The following VWA8 variants were observed in gnomAD, a reference collection of about 807,000 sequenced individuals.
The protein encoded by VWA8 is von Willebrand factor A domain-containing protein 8.
In VWA8, 221 loss-of-function variants were observed where a neutral mutation model predicts 241.5. The ratio of observed to expected loss-of-function variants is 0.91; its 90% CI spans 0.82 to 1.02. The LOEUF (loss-of-function observed/expected upper bound fraction) is 1.02, where lower values mean the gene tolerates loss of function less well. Ranked by LOEUF, VWA8 falls within the 50% of genes least tolerant of loss-of-function variation. The pLI, the probability that VWA8 is intolerant of heterozygous loss-of-function variation, is 0.00. For missense variants in VWA8, 2,322 were observed against 2,328.7 expected (o/e 1.00, Z 0.06); for synonymous variants, 852 against 827.1 (o/e 1.03, Z -0.52).
At chr13:41,897,847 G>C (rs1875194796) in intron 4 of VWA8, among the ~76,000 whole-genome samples, 1 of 152,170 alleles carries the variant, frequency 6.6e-6, no homozygotes, top group Non-Finnish European at 1.5e-5. Flanking sequence ...GACCCGAGCG[G>C]GTTGCCACTG....
chr13:41,620,384 C>T (rs1044235617), intron 37 of VWA8, among the ~76,000 whole-genome samples: 13 of 152,076 alleles, frequency 8.5e-5, no homozygotes, highest in Middle Eastern at 3.4e-3. Context: ...GTCTTGCCAG[C>T]GGTCTATCTA....
intron 26 of VWA8, among the ~76,000 whole-genome samples, chr13:41,712,171 T>C (rs542370628): frequency 6.6e-6 from 1 of 152,266 alleles, no homozygotes; most frequent in East Asian, 1.9e-4. Context: ...AGATATGTTC[T>C]AATGATTGAT....
At chr13:41,910,034 G>A (rs958640592) in intron 3 of VWA8, among the ~76,000 whole-genome samples, 3 of 152,152 alleles carry the variant, frequency 2.0e-5, no homozygotes, top group Non-Finnish European at 4.4e-5. Context: ...CTAGTATTAA[G>A]TTTTCTTATG....
chr13:41,853,607 A>C (rs1428328406), intron 12 of VWA8, among the ~76,000 whole-genome samples: 1 of 152,028 alleles, frequency 6.6e-6, no homozygotes, highest in Non-Finnish European at 1.5e-5. Context: ...CAGTCTTGGT[A>C]GGTTACATAT....
chr13:41,628,763 C>T (rs1237296555), intron 37 of VWA8, among the ~76,000 whole-genome samples: 1 of 152,168 alleles, frequency 6.6e-6, no homozygotes. Context: ...GGACAACAGG[C>T]CGGGCACAGT....
intron 14 of VWA8, among the ~76,000 whole-genome samples, chr13:41,823,417 G>A (rs1871046572): frequency 6.6e-6 from 1 of 152,134 alleles, no homozygotes; most frequent in Admixed American, 6.6e-5. Context: ...AATCTTTATT[G>A]TTTCCCCAAG....
At chr13:41,927,525 A>G (rs183755157) in intron 2 of VWA8, among the ~76,000 whole-genome samples, 152 of 151,436 alleles carry the variant, frequency 1.0e-3, no homozygotes, top group Admixed American at 2.9e-3. Context: ...TACCAAATAA[A>G]CCATTTGTCT....
At chr13:41,793,656 A>G (rs1049005573) in intron 17 of VWA8, among the ~76,000 whole-genome samples, 8 of 152,122 alleles carry the variant, frequency 5.3e-5, no homozygotes, top group African/African-American at 9.7e-5. Flanking sequence ...TACCGAAAAT[A>G]CAAAAAACAA....
At chr13:41,693,856 G>C (rs1227667159) in intron 29 of VWA8, among the ~76,000 whole-genome samples, 1 of 151,910 alleles carries the variant, frequency 6.6e-6, no homozygotes, top group African/African-American at 2.4e-5. Flanking sequence ...TTGCAGAAAG[G>C]TACCTGCAAG....
chr13:41,811,732 C>T (rs1870483044), intron 16 of VWA8, among the ~76,000 whole-genome samples: 1 of 152,084 alleles, frequency 6.6e-6, no homozygotes, highest in Non-Finnish European at 1.5e-5. Context: ...AAGCTTTAAG[C>T]AAATCGGTGG....
chr13:41,616,756 T>C (rs1403620995), intron 37 of VWA8, among the ~76,000 whole-genome samples: 1 of 152,216 alleles, frequency 6.6e-6, no homozygotes, highest in African/African-American at 2.4e-5. Context: ...ACCTGAATTT[T>C]AAATTTTATT....
intron 35 of VWA8, among the ~76,000 whole-genome samples, chr13:41,683,055 A>G (rs1443915257): frequency 6.6e-6 from 1 of 152,170 alleles, no homozygotes; most frequent in Non-Finnish European, 1.5e-5. Context: ...TGGCAGTTTC[A>G]TCATATGATG....
In VWA8 at chr13:41,605,267, C is replaced by T. The variant is rs1437990932; in HGVS notation, c.4887G>A (p.Glu1629=). Residue 1629 remains glutamate (E), a synonymous_variant, in exon 40 of 45, where the codon GAG becomes GAA. Transcript: ENST00000379310. ...CAGCATCGTATTCACTCATTTGGAT[C>T]TCCTTTAGCCTGAAATCAGAAGAGT... ...GQRAFQQRLK[E]IQMSEYDAAT... 2 of 1,612,772 alleles carry T rather than the reference C, an allele frequency of 1.2e-6. No homozygotes were observed. Among genetic ancestry groups the T allele is most frequent in the South Asian group, 2.2e-5 (2 of 91,038 alleles).
intron 20 of VWA8, among the ~76,000 whole-genome samples, chr13:41,776,811 T>C (rs1348312401): frequency 6.6e-6 from 1 of 152,186 alleles, no homozygotes; most frequent in Non-Finnish European, 1.5e-5. Flanking sequence ...AGCCTCTAGT[T>C]ATCTAATTTC....
At chr13:41,799,066 C>T (rs1024908663) in intron 17 of VWA8, among the ~76,000 whole-genome samples, 7 of 152,154 alleles carry the variant, frequency 4.6e-5, no homozygotes, top group African/African-American at 1.4e-4. Context: ...TTTAATTCCT[C>T]GTAAGTTTTA....
chr13:41,767,297 C>T (rs991060550), intron 20 of VWA8, among the ~76,000 whole-genome samples: 1 of 152,114 alleles, frequency 6.6e-6, no homozygotes, highest in Non-Finnish European at 1.5e-5. Flanking sequence ...AAAAAAATCC[C>T]ATCTAATGCT....
At chr13:41,572,247 C>T (rs2044312325) in intron 43 of VWA8, among the ~76,000 whole-genome samples, 1 of 152,012 alleles carries the variant, frequency 6.6e-6, no homozygotes, top group Admixed American at 6.5e-5. Context: ...CCCGGCTGCC[C>T]CGTCTGGGAA....
At chr13:41,805,886 T>G (rs1039612348) in intron 17 of VWA8, among the ~76,000 whole-genome samples, 1 of 151,910 alleles carries the variant, frequency 6.6e-6, no homozygotes, top group Non-Finnish European at 1.5e-5. Context: ...CCTGCCGGTA[T>G]TTACAGAACA....
At chr13:41,948,265 G>A (rs1235795879) in intron 2 of VWA8, among the ~76,000 whole-genome samples, 1 of 152,066 alleles carries the variant, frequency 6.6e-6, no homozygotes, top group Non-Finnish European at 1.5e-5. Context: ...AAGATACAAT[G>A]GCTACATATC....
Sources: allele counts gnomAD v4.1 joint callset (sites outside exome capture counted in the v4.1 genomes callset), GRCh38; gene constraint gnomAD v4.1.1; transcripts MANE v1.5; gene names NCBI Gene and HGNC (gene_info 2026-07-23, HGNC 2026-07-21).